Variants in ASF1A observed in about 807,000 individuals in gnomAD.
The protein encoded by ASF1A is anti-silencing function 1A histone chaperone.
Under a neutral mutation model 22.0 loss-of-function variants are expected in ASF1A, and 5 were observed. That is an observed-to-expected ratio of 0.23 (90% CI 0.12 to 0.48). ASF1A has a LOEUF of 0.48. Ranked by LOEUF, ASF1A falls within the 20% of genes least tolerant of loss-of-function variation. The pLI, the probability that ASF1A is intolerant of heterozygous loss-of-function variation, is 0.99. For missense variants in ASF1A, 137 were observed against 240.6 expected, an observed-to-expected ratio of 0.57 and a Z score of 2.85; for synonymous variants, 97 against 86.7, an observed-to-expected ratio of 1.12 and a Z score of -0.66.
Position 118,908,527 on chromosome 6 carries a change from AATAG to A in ASF1A, c.*917_*920del, listed in dbSNP as rs1780322784. The A allele has an allele frequency of 6.6e-6, 1 of 152,158 alleles. No individual in the cohort carries two copies. Among genetic ancestry groups the A allele is most frequent in the African/African-American group, 2.4e-5 (1 of 41,452 alleles). The allele number at this position is 152,158 out of a possible 1,614,324, so 9.4% of individuals were successfully genotyped here. On this transcript the variant is annotated 3_prime_UTR_variant, in exon 4 of 4. Transcript: ENST00000229595. ...AGAAAGGTATATTTAGCTTTATTAT[AATAG>A]ATACGTTACTATTTTGGAAATATAT... is the stretch of plus-strand genomic sequence containing the variant.
chr6:118,894,486 G>C lies in ASF1A; in HGVS notation c.73G>C (p.Glu25Gln). The change falls in exon 1 of 4, where the codon GAG becomes CAG. Residue 25 changes from glutamate (E) to glutamine (Q), a missense_variant. Glu to Gln is a conservative substitution (Grantham distance 29, BLOSUM62 2). Coordinates refer to ENST00000229595, the MANE Select transcript of ASF1A (RefSeq NM_014034.3). Reference sequence around the variant, plus strand: ...TCCTTTCTACAACCCGTTCCAGTTCGAGATCACCTTCGAGTGCATCGAGGA... The same window carrying C: ...TCCTTTCTACAACCCGTTCCAGTTCCAGATCACCTTCGAGTGCATCGAGGA... ...PSPFYNPFQF[E>Q]ITFECIEDLS... The C allele has an allele frequency of 1.3e-6, 2 of 1,537,192 alleles. No homozygotes were observed. The highest frequency in any genetic ancestry group is 8.7e-7 in the Non-Finnish European group (1 of 1,146,832).
chr6:118,904,569 C>T (rs939661240), intron 2 of ASF1A, among the ~76,000 whole-genome samples: 3 of 152,176 alleles, frequency 2.0e-5, no homozygotes, highest in Non-Finnish European at 2.9e-5. Flanking sequence ...CACCCTACCA[C>T]GGATGGGGCC....
Position 118,907,653 on chromosome 6 carries a change from A to T in ASF1A, c.*39A>T. The T allele has an allele frequency of 1.3e-6, 2 of 1,499,840 alleles. No individual in the cohort carries two copies. Among genetic ancestry groups the T allele is most frequent in the Non-Finnish European group, 9.3e-7 (1 of 1,079,076 alleles). The allele number at this position is 1,499,840 out of a possible 1,614,324, so 92.9% of individuals were successfully genotyped here. A position where few individuals can be genotyped will look rare whatever the true frequency, so the allele number is the denominator to read the frequency against. Reference sequence around the variant, plus strand: ...CTTTAGTACAAATTAAGCTATTAAAAATACACAGAACTATTTCCCTGAAAT... The same window carrying T: ...CTTTAGTACAAATTAAGCTATTAAATATACACAGAACTATTTCCCTGAAAT... On this transcript the variant is annotated 3_prime_UTR_variant, in exon 4 of 4. Transcript: ENST00000229595.
chr6:118,902,969 G>T (rs1044948198), intron 2 of ASF1A, among the ~76,000 whole-genome samples: 1 of 152,204 alleles, frequency 6.6e-6, no homozygotes, highest in Non-Finnish European at 1.5e-5. Flanking sequence ...GCCAGCTAGA[G>T]TCAAAACAAA....
At chr6:118,897,966 A>T (rs1396313597) in intron 1 of ASF1A, among the ~76,000 whole-genome samples, 2 of 152,242 alleles carry the variant, frequency 1.3e-5, no homozygotes, top group Non-Finnish European at 2.9e-5. Flanking sequence ...GTTCTTGTTA[A>T]GGCTAGATTC....
intron 2 of ASF1A, among the ~76,000 whole-genome samples, chr6:118,902,389 C>T (rs1186214004): frequency 6.6e-6 from 1 of 152,212 alleles, no homozygotes; most frequent in Non-Finnish European, 1.5e-5. Context: ...ATTAGAACTA[C>T]ATTTTTATTC....
At chr6:118,894,905 A>G (rs986369791) in intron 1 of ASF1A, among the ~76,000 whole-genome samples, 2 of 151,898 alleles carry the variant, frequency 1.3e-5, no homozygotes, top group African/African-American at 4.8e-5. Flanking sequence ...GAGGCTGGGA[A>G]GGGAGAGGCT....
Position 118,895,512 on chromosome 6 carries a change from A to G in ASF1A, c.109+990A>G, listed in dbSNP as rs535479986. Among the ~76,000 whole-genome samples, 4 of 152,302 alleles carry G rather than the reference A, an allele frequency of 2.6e-5. No homozygotes were observed. The East Asian group carries it at 7.7e-4, about 29-fold the overall frequency. On this transcript the variant is annotated intron_variant, in intron 1 of 3. Coordinates refer to ENST00000229595, the MANE Select transcript of ASF1A (RefSeq NM_014034.3). Reference sequence around the variant, plus strand: ...AAAATAACTCCACATCCAAATACAGAACACACCCTAAACATAAAACACAAA... The same window carrying G: ...AAAATAACTCCACATCCAAATACAGGACACACCCTAAACATAAAACACAAA...
At chr6:118,896,040 CGT>C (rs1779382336) in intron 1 of ASF1A, among the ~76,000 whole-genome samples, 1 of 137,592 alleles carries the variant, frequency 7.3e-6, no homozygotes, top group African/African-American at 2.9e-5. Context: ...CATGTGCCCC[CGT>C]TTTTTTTTTT....
intron 1 of ASF1A, among the ~76,000 whole-genome samples, chr6:118,894,963 G>C (rs1562427162): frequency 6.6e-6 from 1 of 152,148 alleles, no homozygotes; most frequent in Non-Finnish European, 1.5e-5. Flanking sequence ...ATCTTACCCC[G>C]AGTCGAGAAT....
chr6:118,898,663 C>T (rs928584761), intron 1 of ASF1A, among the ~76,000 whole-genome samples: 1 of 152,192 alleles, frequency 6.6e-6, no homozygotes, highest in Admixed American at 6.5e-5. Flanking sequence ...AGCCATCCAG[C>T]CACCTTAGCC....
intron 1 of ASF1A, among the ~76,000 whole-genome samples, chr6:118,898,707 T>G (rs1779605650): frequency 6.6e-6 from 1 of 152,194 alleles, no homozygotes; most frequent in Non-Finnish European, 1.5e-5. Flanking sequence ...CGTGAGCCAC[T>G]GCGCCCAGCC....
intron 1 of ASF1A, among the ~76,000 whole-genome samples, chr6:118,897,591 T>A (rs1217443353): frequency 6.6e-6 from 1 of 152,118 alleles, no homozygotes; most frequent in East Asian, 1.9e-4. Flanking sequence ...TCTTCCCAAG[T>A]AGTGTAATTA....
At chr6:118,904,951 C>T (rs1050868438) in intron 2 of ASF1A, among the ~76,000 whole-genome samples, 15 of 152,188 alleles carry the variant, frequency 9.9e-5, no homozygotes, top group Admixed American at 7.9e-4. Flanking sequence ...GATTCTCCTG[C>T]CTCAGCCTCC....
Position 118,894,325 on chromosome 6 carries a change from G to A in ASF1A, c.-89G>A, listed in dbSNP as rs142622007. ...ACGACGTCTGGCCGGCGCTGGAGCG[G>A]GGGTCTGCGCTCTCCCGAGCGGCCG... On this transcript the variant is annotated 5_prime_UTR_variant, in exon 1 of 4. Coordinates refer to ENST00000229595, the MANE Select transcript of ASF1A (RefSeq NM_014034.3). 218 of 1,515,652 alleles carry A rather than the reference G, an allele frequency of 1.4e-4. No homozygotes were observed. The East Asian group carries it at 5.0e-3, about 35-fold the overall frequency. 93.9% of individuals were successfully genotyped at this position (1,515,652 alleles called of 1,614,324 possible).
At chr6:118,907,111 ATTCT>A (rs1487604760) in intron 3 of ASF1A, among the ~76,000 whole-genome samples, 1 of 152,220 alleles carries the variant, frequency 6.6e-6, no homozygotes, top group African/African-American at 2.4e-5. Context: ...AAATGAGGAG[ATTCT>A]TTCTTTTAGA....
At chr6:118,903,440 A>C (rs1043497647) in intron 2 of ASF1A, among the ~76,000 whole-genome samples, 4 of 152,172 alleles carry the variant, frequency 2.6e-5, no homozygotes, top group Non-Finnish European at 5.9e-5. Flanking sequence ...GAGCTGAGCC[A>C]CACGAGATTA....
chr6:118,902,528 C>CTT (rs33980013), intron 2 of ASF1A, among the ~76,000 whole-genome samples: 5,323 of 131,408 alleles, frequency 0.041, 300 homozygotes, highest in African/African-American at 0.11. Flanking sequence ...ACTGATAATA[C>CTT]TTTTTTTTTT....
At chr6:118,899,964 A>G (rs1779692608) in intron 1 of ASF1A, among the ~76,000 whole-genome samples, 1 of 152,198 alleles carries the variant, frequency 6.6e-6, no homozygotes, top group African/African-American at 2.4e-5. Context: ...TCCTCCAAAG[A>G]GTTCTACTCA....
Sources: gnomAD v4.1 joint callset for allele counts (sites outside exome capture counted in the v4.1 genomes callset) on GRCh38, gnomAD v4.1.1 for gene constraint, MANE v1.5 for transcripts, NCBI Gene and HGNC (gene_info 2026-07-23, HGNC 2026-07-21) for gene names.